NSFL1C: variants seen among roughly 807,000 people sequenced by gnomAD.
The protein encoded by NSFL1C is NSFL1 cofactor.
In NSFL1C, 14 loss-of-function variants were observed where a neutral mutation model predicts 43.1. The ratio of observed to expected loss-of-function variants is 0.32; its 90% CI spans 0.21 to 0.51. The LOEUF (loss-of-function observed/expected upper bound fraction) is 0.51. Ranked by LOEUF, NSFL1C falls within the 20% of genes least tolerant of loss-of-function variation. NSFL1C has a pLI of 0.98. For synonymous variants in NSFL1C, 171 were observed against 183.5 expected (o/e 0.93, Z 0.55); for missense variants, 406 against 472.5 (o/e 0.86, Z 1.30).
intron 2 of NSFL1C, among the ~76,000 whole-genome samples, chr20:1,461,166 G>A (rs1322813053): frequency 6.6e-6 from 1 of 152,198 alleles, no homozygotes; most frequent in Non-Finnish European, 1.5e-5. Flanking sequence ...TGAAATACTA[G>A]CCGTCCCACT....
rs140053719 is a variant in NSFL1C, at chr20:1,466,198, C to T, written c.105+522G>A. Among the ~76,000 whole-genome samples, 371 of 152,292 alleles carry T rather than the reference C, an allele frequency of 2.4e-3. 1 individual carries two copies. In the Middle Eastern group the frequency reaches 0.034, roughly 14 times the overall value. ...CTACACAGCAATTTCCACGAGACTC[C>T]CATTTTACAGATAAGTTAACTACGC... On this transcript the variant is annotated intron_variant, in intron 1 of 8. Transcript: ENST00000216879.
intron 8 of NSFL1C, among the ~76,000 whole-genome samples, chr20:1,445,451 G>C (rs186726495): frequency 1.4e-4 from 22 of 152,234 alleles, no homozygotes; most frequent in African/African-American, 4.1e-4. Flanking sequence ...GACACACAGG[G>C]GGAAGTGAAC....
intron 1 of NSFL1C, among the ~76,000 whole-genome samples, chr20:1,464,884 G>A (rs185613961): frequency 2.6e-5 from 4 of 152,304 alleles, no homozygotes; most frequent in African/African-American, 9.6e-5. Flanking sequence ...CTGGTAAAGA[G>A]AGGAGCCAGG....
intron 7 of NSFL1C, among the ~76,000 whole-genome samples, chr20:1,449,726 C>A (rs188851010): frequency 6.6e-6 from 1 of 152,086 alleles, no homozygotes; most frequent in Non-Finnish European, 1.5e-5. Context: ...TTCAAGAGCC[C>A]GAATCACCCA....
chr20:1,445,968 G>A (rs1403874462), intron 7 of NSFL1C, 138 bp from the exon 8 acceptor site: 2 of 912,152 alleles, frequency 2.2e-6, no homozygotes, highest in Admixed American at 2.5e-5. Context: ...ACCCAGACAG[G>A]GAAAATCGTG....
intron 7 of NSFL1C, among the ~76,000 whole-genome samples, chr20:1,451,020 G>A (rs967512570): frequency 5.9e-5 from 9 of 152,104 alleles, no homozygotes; most frequent in Non-Finnish European, 1.0e-4. Flanking sequence ...ATTTCTGGGT[G>A]TTAGCTTCAG....
chr20:1,459,886 T>C (rs1178647627), intron 2 of NSFL1C, among the ~76,000 whole-genome samples: 1 of 152,204 alleles, frequency 6.6e-6, no homozygotes, highest in Non-Finnish European at 1.5e-5. Context: ...TGAGCATCTA[T>C]GAAAAAAATA....
chr20:1,466,255 C>T (rs1421102725), intron 1 of NSFL1C, among the ~76,000 whole-genome samples: 1 of 152,218 alleles, frequency 6.6e-6, no homozygotes, highest in Non-Finnish European at 1.5e-5. Flanking sequence ...TGCGCCACCA[C>T]CCCAGAGGTA....
rs1346544229 is a variant in NSFL1C at position 1,443,108 on chromosome 20, T to C, written c.*641A>G. The C allele has an allele frequency of 6.6e-6, 1 of 152,206 alleles. No homozygotes were observed. Among genetic ancestry groups the C allele is most frequent in the African/African-American group, 2.4e-5 (1 of 41,436 alleles). 9.4% of individuals were successfully genotyped at this position (152,206 alleles called of 1,614,324 possible). ...CAGGCAGGTGGAACAGAATCTCAAC[T>C]GGCCAAGACCTGGCAAGATTAGATA... On this transcript the variant is annotated 3_prime_UTR_variant, in exon 9 of 9. Transcript: ENST00000216879.
intron 3 of NSFL1C, chr20:1,455,752 G>C (rs1263173319): frequency 1.3e-6 from 1 of 779,334 alleles, no homozygotes; most frequent in Non-Finnish European, 2.4e-6. Flanking sequence ...CAAATCAGCA[G>C]ATGTATGCAA....
intron 4 of NSFL1C, 130 bp downstream of exon 4, chr20:1,454,837 G>A: frequency 1.0e-6 from 1 of 972,982 alleles, no homozygotes; most frequent in South Asian, 1.6e-5. Context: ...CTACACTCGT[G>A]TTCCGCACAG....
In NSFL1C at chr20:1,443,831, G is replaced by A. The variant is rs2090000616; in HGVS notation, c.1031C>T (p.Pro344Leu). 2.5e-6 allele frequency: 4 copies of A among 1,613,894 alleles called. No homozygotes were observed. The highest frequency in any genetic ancestry group is 1.3e-5 in the African/African-American group (1 of 74,900). ...GCTCTCATCAGCCAGCTCTTTGTTCGGGAAAGTAGTCATGAGGATAAAGCT... is the reference window on the plus strand; with the variant it reads ...GCTCTCATCAGCCAGCTCTTTGTTCAGGAAAGTAGTCATGAGGATAAAGCT... ...ATSFILMTTF[P>L]NKELADESQT... The change falls in exon 9 of 9, where the codon CCG (proline) becomes CTG (leucine). Residue 344 changes from proline (P) to leucine (L), a missense_variant. Pro to Leu is a moderately conservative substitution (Grantham distance 98, BLOSUM62 -3). Around this residue, in one of 3 missense-constraint regions of NSFL1C, gnomAD observed 196 missense variants for 228.0 expected, o/e 0.86. Transcript: ENST00000216879.
Position 1,442,256 on chromosome 20 carries a change from G to C in NSFL1C, c.*1493C>G, listed in dbSNP as rs949647132. On this transcript the variant is annotated 3_prime_UTR_variant, in exon 9 of 9. Transcript: ENST00000216879. Reference sequence around the variant, plus strand: ...TAGGTTCCATAATCTCCACCTGCTGGAGAAAACACCGTGACAGATGCCATT... The same window carrying C: ...TAGGTTCCATAATCTCCACCTGCTGCAGAAAACACCGTGACAGATGCCATT... 12 of 152,340 alleles carry C rather than the reference G, an allele frequency of 7.9e-5. No homozygotes were observed. Among genetic ancestry groups the C allele is most frequent in the Admixed American group, 7.8e-4 (12 of 15,300 alleles). 9.4% of individuals were successfully genotyped at this position (152,340 alleles called of 1,614,324 possible). A position where few individuals can be genotyped will look rare whatever the true frequency, so the allele number is the denominator to read the frequency against.
intron 2 of NSFL1C, 80 bp downstream of exon 2, chr20:1,464,249 G>C: frequency 8.1e-7 from 1 of 1,234,708 alleles, no homozygotes; most frequent in South Asian, 1.2e-5. Flanking sequence ...ACACACCCAG[G>C]CCTGAACGCT....
chr20:1,451,266 C>T (rs59629006), intron 7 of NSFL1C, among the ~76,000 whole-genome samples: 5,036 of 152,172 alleles, frequency 0.033, 283 homozygotes, highest in African/African-American at 0.12. Context: ...GAACTCTGAC[C>T]CTTGCTCCTG....
chr20:1,462,397 C>T (rs112261215), intron 2 of NSFL1C, among the ~76,000 whole-genome samples: 1 of 152,212 alleles, frequency 6.6e-6, no homozygotes, highest in South Asian at 2.1e-4. Flanking sequence ...CTTTTCTAAG[C>T]CTACTACCAA....
intron 2 of NSFL1C, among the ~76,000 whole-genome samples, chr20:1,460,144 T>C (rs1298767719): frequency 1.3e-5 from 2 of 152,126 alleles, no homozygotes; most frequent in Non-Finnish European, 2.9e-5. Flanking sequence ...AATAAGACAA[T>C]CACAGCACCA....
In NSFL1C at chr20:1,461,764, C is replaced by A. The variant is rs113265555; in HGVS notation, c.203+2565G>T. 1.9e-3 allele frequency among the ~76,000 whole-genome samples: 289 copies of A among 152,290 alleles called. 1 individual carries two copies. The highest frequency in any genetic ancestry group is 6.6e-3 in the African/African-American group (276 of 41,562). On this transcript the variant is annotated intron_variant, in intron 2 of 8. Coordinates refer to ENST00000216879, the MANE Select transcript of NSFL1C (RefSeq NM_016143.5). Reference sequence around the variant, plus strand: ...CCTCATCTGTAAAATAGGAATAGTACTAACCTCAGTGCTAACAGTACTAAC... The same window carrying A: ...CCTCATCTGTAAAATAGGAATAGTAATAACCTCAGTGCTAACAGTACTAAC...
At position 1,443,000 on chromosome 20, in the gene NSFL1C, G is replaced by C. The variant is rs538359158; in HGVS notation, c.*749C>G. 1 of 152,266 alleles carries C rather than the reference G, an allele frequency of 6.6e-6. No individual in the cohort carries two copies. Among genetic ancestry groups the C allele is most frequent in the South Asian group, 2.1e-4 (1 of 4,832 alleles). 9.4% of individuals were successfully genotyped at this position (152,266 alleles called of 1,614,324 possible). A position where few individuals can be genotyped will look rare whatever the true frequency, so the allele number is the denominator to read the frequency against. On this transcript the variant is annotated 3_prime_UTR_variant, in exon 9 of 9. Transcript: ENST00000216879. ...CTAGGTCCACTCAAGACTTCTGCAC[G>C]TGGAGTAAATCAAGCCATAATGGAG...
Sources: allele counts gnomAD v4.1 joint callset (sites outside exome capture counted in the v4.1 genomes callset), GRCh38; gene constraint gnomAD v4.1.1; regional missense constraint gnomAD v4.1.1; transcripts MANE v1.5; gene names NCBI Gene and HGNC (gene_info 2026-07-23, HGNC 2026-07-21).